Variants in PICALM observed in about 807,000 individuals in gnomAD.
PICALM encodes phosphatidylinositol binding clathrin assembly protein, also known as phosphatidylinositol-binding clathrin assembly protein.
PICALM carries 40 observed loss-of-function variants against 80.5 expected under a neutral mutation model. The observed-to-expected ratio is 0.50, with a 90% CI of 0.39 to 0.65. The LOEUF (loss-of-function observed/expected upper bound fraction) is 0.65, where lower values mean the gene tolerates loss of function less well. Ranked by LOEUF, PICALM falls within the 30% of genes least tolerant of loss-of-function variation. PICALM has a pLI of 0.00. For synonymous variants in PICALM, 288 were observed against 260.3 expected (o/e 1.11, Z -1.02); for missense variants, 676 against 778.9 (o/e 0.87, Z 1.57).
At chr11:86,043,410 T>C (rs1385651032) in intron 1 of PICALM, among the ~76,000 whole-genome samples, 2 of 152,180 alleles carry the variant, frequency 1.3e-5, no homozygotes, top group East Asian at 3.8e-4. Flanking sequence ...TTCACAAATT[T>C]CTTCTCAGAA....
intron 14 of PICALM, 135 bp downstream of exon 14, chr11:85,983,731 C>CT: frequency 2.1e-6 from 1 of 484,922 alleles, no homozygotes; most frequent in Non-Finnish European, 3.7e-6. Flanking sequence ...TCATCTAGTG[C>CT]TTGGGGGGAT....
intron 12 of PICALM, among the ~76,000 whole-genome samples, chr11:85,991,821 T>C (rs1031014086): frequency 2.0e-5 from 3 of 152,126 alleles, no homozygotes; most frequent in African/African-American, 7.2e-5. Context: ...AATAGTTAAA[T>C]AGTTACAAGA....
intron 13 of PICALM, among the ~76,000 whole-genome samples, chr11:85,985,139 C>A (rs2094539767): frequency 6.6e-6 from 1 of 152,112 alleles, no homozygotes; most frequent in South Asian, 2.1e-4. Context: ...AATTTAGGAT[C>A]CCTTTCTTCC....
intron 1 of PICALM, among the ~76,000 whole-genome samples, chr11:86,037,990 T>C (rs968465925): frequency 6.6e-6 from 1 of 152,144 alleles, no homozygotes; most frequent in Non-Finnish European, 1.5e-5. Context: ...ACATTCTTTA[T>C]CTCCTCAAGG....
intron 1 of PICALM, among the ~76,000 whole-genome samples, chr11:86,056,623 CAA>C (rs911897121): frequency 1.3e-5 from 2 of 152,164 alleles, no homozygotes; most frequent in Admixed American, 1.3e-4. Flanking sequence ...GGTAGTTCCT[CAA>C]AAAGTTACAC....
At chr11:86,064,236 C>G (rs2096411097) in intron 1 of PICALM, among the ~76,000 whole-genome samples, 1 of 152,134 alleles carries the variant, frequency 6.6e-6, no homozygotes, top group African/African-American at 2.4e-5. Context: ...AATAACCATG[C>G]TGTATCGACC....
At chr11:85,976,855 T>C (rs999814052) in intron 17 of PICALM, 173 bp from the exon 18 acceptor site, 1 of 521,192 alleles carries the variant, frequency 1.9e-6, no homozygotes, top group Non-Finnish European at 3.5e-6. Context: ...AAAAGTGTTT[T>C]GAAATTAGCA....
chr11:86,068,419 T>G (rs1233134810), intron 1 of PICALM, among the ~76,000 whole-genome samples: 3 of 151,652 alleles, frequency 2.0e-5, no homozygotes, highest in Non-Finnish European at 4.4e-5. Context: ...GAGGGTCCCC[T>G]AGGAATAGGG....
At chr11:86,030,983 TA>T (rs2095741527) in intron 2 of PICALM, among the ~76,000 whole-genome samples, 1 of 152,046 alleles carries the variant, frequency 6.6e-6, no homozygotes, top group Middle Eastern at 3.2e-3. Context: ...CCAGGCATGG[TA>T]GCACACACTT....
At chr11:86,065,222 C>T (rs1048087941) in intron 1 of PICALM, among the ~76,000 whole-genome samples, 6 of 152,222 alleles carry the variant, frequency 3.9e-5, no homozygotes, top group South Asian at 2.1e-4. Context: ...CCGAGGCGGG[C>T]GAATCATGTG....
chr11:86,007,971 T>A (rs990480753), intron 7 of PICALM, among the ~76,000 whole-genome samples: 3 of 150,074 alleles, frequency 2.0e-5, no homozygotes, highest in African/African-American at 4.9e-5. Context: ...AAAAAAAAAA[T>A]TTAAGAAACA....
rs751759837 is a variant in PICALM, at chr11:86,014,905, T to C, written c.511A>G (p.Ile171Val). The C allele has an allele frequency of 6.3e-7, 1 of 1,591,328 alleles. No homozygotes were observed. Among genetic ancestry groups the C allele is most frequent in the Non-Finnish European group, 8.6e-7 (1 of 1,164,470 alleles). Residue 171 changes from isoleucine to valine, a missense_variant, in exon 5 of 20, where the codon ATT (isoleucine) becomes GTT (valine). Physicochemically the swap from Ile to Val is conservative, Grantham distance 29. Transcript: ENST00000393346. ...AGAAGTGCATCCATCTGATTCTGAATAATTGGTACAGTTTTTAGGAGTTTT... is the reference window on the plus strand; with the variant it reads ...AGAAGTGCATCCATCTGATTCTGAACAATTGGTACAGTTTTTAGGAGTTTT... ...TEKLLKTVPI[I>V]QNQMDALLDF...
intron 5 of PICALM, among the ~76,000 whole-genome samples, chr11:86,012,639 A>G (rs1350929780): frequency 2.0e-5 from 3 of 152,226 alleles, no homozygotes; most frequent in Admixed American, 1.3e-4. Flanking sequence ...AGAATACTGG[A>G]AATATTTTTA....
chr11:86,001,240 T>C (rs2095134605), intron 9 of PICALM, 82 bp from the exon 10 acceptor site: 1 of 1,323,380 alleles, frequency 7.6e-7, no homozygotes, highest in South Asian at 1.3e-5. Context: ...TCTGGCAACC[T>C]TGCCATGGAT....
intron 19 of PICALM, among the ~76,000 whole-genome samples, chr11:85,961,377 A>G (rs185658158): frequency 2.0e-5 from 3 of 152,346 alleles, no homozygotes; most frequent in Admixed American, 1.3e-4. Flanking sequence ...GAGGTCACCT[A>G]CTGTAACTGT....
At chr11:86,025,842 A>T (rs2095641599) in intron 3 of PICALM, among the ~76,000 whole-genome samples, 1 of 152,172 alleles carries the variant, frequency 6.6e-6, no homozygotes, top group Admixed American at 6.5e-5. Flanking sequence ...AACAGGCATG[A>T]GCCACCGTAC....
At chr11:86,065,471 C>T (rs1361062757) in intron 1 of PICALM, among the ~76,000 whole-genome samples, 4 of 152,208 alleles carry the variant, frequency 2.6e-5, no homozygotes, top group Middle Eastern at 3.4e-3. Flanking sequence ...TTTTTCTATC[C>T]TGCAATAATT....
chr11:86,060,940 G>A (rs953872239), intron 1 of PICALM, among the ~76,000 whole-genome samples: 2 of 152,130 alleles, frequency 1.3e-5, no homozygotes, highest in African/African-American at 2.4e-5. Context: ...CTGCTAAACT[G>A]GACTTCATTA....
chr11:85,960,457 GATTAC>G (rs1250831495), intron 19 of PICALM, among the ~76,000 whole-genome samples: 2 of 152,254 alleles, frequency 1.3e-5, no homozygotes, highest in African/African-American at 4.8e-5. Flanking sequence ...CAGTGGATGA[GATTAC>G]TTTAAATAAT....
Sources: allele counts gnomAD v4.1 joint callset (sites outside exome capture counted in the v4.1 genomes callset), GRCh38; gene constraint gnomAD v4.1.1; transcripts MANE v1.5; gene names NCBI Gene and HGNC (gene_info 2026-07-23, HGNC 2026-07-21).